Variants in ENOX1 observed in about 807,000 individuals in gnomAD.
ENOX1 encodes candidate growth-related and time keeping constitutive hydroquinone (NADH) oxidase.
A neutral mutation model predicts 82.5 loss-of-function variants in ENOX1; 42 were observed. The ratio of observed to expected loss-of-function variants is 0.51; its 90% CI spans 0.40 to 0.66. The LOEUF is 0.66. Ranked by LOEUF, ENOX1 falls within the 30% of genes least tolerant of loss-of-function variation. The pLI is 0.00. For synonymous variants in ENOX1, 271 were observed against 282.2 expected (o/e 0.96, Z 0.40); for missense variants, 608 against 811.6 (o/e 0.75, Z 3.05).
At chr13:43,376,284 T>A (rs190470287) in intron 5 of ENOX1, among the ~76,000 whole-genome samples, 105 of 152,330 alleles carry the variant, frequency 6.9e-4, no homozygotes, top group Non-Finnish European at 4.7e-4. Flanking sequence ...AAAGCTTTTG[T>A]TAAACAGAGC....
chr13:43,486,421 C>A (rs1165555602), intron 2 of ENOX1, among the ~76,000 whole-genome samples: 1 of 151,938 alleles, frequency 6.6e-6, no homozygotes, highest in Non-Finnish European at 1.5e-5. Flanking sequence ...ACAAAAAAAC[C>A]AACAACCAAA....
chr13:43,509,163 T>C (rs955633224), intron 2 of ENOX1, among the ~76,000 whole-genome samples: 2 of 152,052 alleles, frequency 1.3e-5, no homozygotes, highest in African/African-American at 4.8e-5. Context: ...AAATAGCCTA[T>C]ATCAGGGATA....
intron 16 of ENOX1, among the ~76,000 whole-genome samples, chr13:43,222,171 T>C (rs539993871): frequency 1.3e-5 from 2 of 152,120 alleles, no homozygotes; most frequent in South Asian, 4.2e-4. Context: ...TTTGACTGAA[T>C]CCCATCCAGA....
At chr13:43,725,819 A>G (rs1430443784) in intron 1 of ENOX1, among the ~76,000 whole-genome samples, 1 of 150,572 alleles carries the variant, frequency 6.6e-6, no homozygotes, top group Non-Finnish European at 1.5e-5. Context: ...AAAAAAAAAG[A>G]AGCTAGGCAT....
At position 43,470,341 on chromosome 13, in the gene ENOX1, C is replaced by CGTATATATAT. The variant is rs1566306766; in HGVS notation, c.-75+13658_-75+13667dup. Among the ~76,000 whole-genome samples the CGTATATATAT allele has an allele frequency of 4.2e-3, 34 of 8,060 alleles. 1 individual carries two copies. The highest frequency in any genetic ancestry group is 0.012 in the Non-Finnish European group (25 of 2,130). 5.3% of individuals were successfully genotyped at this position (8,060 alleles called of 152,430 possible). On this transcript the variant is annotated intron_variant, in intron 3 of 16. Coordinates refer to ENST00000690772, the MANE Select transcript of ENOX1 (RefSeq NM_001347969.2). The stretch of plus-strand genomic sequence containing the variant: ...ACACATATATATATGTATATATATA[C>CGTATATATAT]GTATATATATATGTATATATATACG...
At chr13:43,432,986 C>T (rs140339426) in intron 3 of ENOX1, among the ~76,000 whole-genome samples, 53 of 152,058 alleles carry the variant, frequency 3.5e-4, no homozygotes, top group African/African-American at 1.1e-3. Context: ...TCAATTGTAA[C>T]AACTCTGAGG....
chr13:43,541,501 A>T (rs974088888), intron 2 of ENOX1, among the ~76,000 whole-genome samples: 1 of 152,116 alleles, frequency 6.6e-6, no homozygotes, highest in African/African-American at 2.4e-5. Flanking sequence ...AGCTGTTTCT[A>T]AAAAATAAGA....
intron 3 of ENOX1, chr13:43,458,323 T>C (rs937498633): frequency 6.6e-6 from 1 of 152,164 alleles, no homozygotes; most frequent in South Asian, 2.1e-4. Flanking sequence ...ACAATGCATA[T>C]AAAGCACCTG....
intron 1 of ENOX1, among the ~76,000 whole-genome samples, chr13:43,737,145 C>A (rs550980219): frequency 2.6e-5 from 4 of 152,278 alleles, no homozygotes; most frequent in South Asian, 2.1e-4. Flanking sequence ...TCAAGTATAA[C>A]CTCTAAAAAA....
chr13:43,785,964 C>T (rs117848998), intron 1 of ENOX1, among the ~76,000 whole-genome samples: 2,304 of 152,028 alleles, frequency 0.015, 67 homozygotes, highest in East Asian at 0.1. Context: ...GCGGGCTCTG[C>T]ACCCTGGCAG....
At chr13:43,568,885 A>G (rs1188362637) in intron 2 of ENOX1, among the ~76,000 whole-genome samples, 2 of 152,134 alleles carry the variant, frequency 1.3e-5, no homozygotes, top group South Asian at 4.2e-4. Flanking sequence ...GTCTGATTTG[A>G]GCAGAATTCT....
At chr13:43,338,834 C>T (rs918581465) in intron 9 of ENOX1, among the ~76,000 whole-genome samples, 7 of 151,872 alleles carry the variant, frequency 4.6e-5, no homozygotes, top group Non-Finnish European at 7.4e-5. Context: ...TACAGGCGCC[C>T]GCCACTGCCC....
At chr13:43,584,820 A>G (rs767273894) in intron 2 of ENOX1, among the ~76,000 whole-genome samples, 1 of 152,128 alleles carries the variant, frequency 6.6e-6, no homozygotes, top group Non-Finnish European at 1.5e-5. Context: ...ATCCATCCAC[A>G]GCTTTAAGAC....
chr13:43,405,347 G>C (rs186405386), intron 5 of ENOX1, among the ~76,000 whole-genome samples: 2 of 152,122 alleles, frequency 1.3e-5, no homozygotes, highest in Non-Finnish European at 2.9e-5. Context: ...GCGTCTGGGC[G>C]TTACGGTCCC....
chr13:43,370,170 A>T (rs1360646599), intron 5 of ENOX1, among the ~76,000 whole-genome samples: 1 of 152,162 alleles, frequency 6.6e-6, no homozygotes. Context: ...GATCGAGACC[A>T]ACCTGGCTAA....
chr13:43,326,207 C>G (rs1476558552), intron 10 of ENOX1, among the ~76,000 whole-genome samples: 1 of 152,128 alleles, frequency 6.6e-6, no homozygotes, highest in Non-Finnish European at 1.5e-5. Context: ...TCTCCCATTG[C>G]AGGGGAGAAA....
chr13:43,629,926 T>C (rs1174895562), intron 2 of ENOX1, among the ~76,000 whole-genome samples: 2 of 152,200 alleles, frequency 1.3e-5, no homozygotes, highest in African/African-American at 2.4e-5. Context: ...AGGTGATTAG[T>C]GGAGCTTTTC....
chr13:43,721,450 C>G lies in ENOX1; in HGVS notation c.-284-53906G>C, dbSNP rs1246579846. 1.3e-3 allele frequency among the ~76,000 whole-genome samples: 173 copies of G among 132,344 alleles called. 2 individuals are homozygous for G. Among genetic ancestry groups the G allele is most frequent in the Non-Finnish European group, 1.7e-3 (111 of 64,654 alleles). The allele number at this position is 132,344 out of a possible 152,430, so 86.8% of individuals were successfully genotyped here. ...CTGGAGTGCAGTGGCGGGATCTCGG[C>G]TCACTGCAAGCTCCGCCTCCCGGGT... On this transcript the variant is annotated intron_variant, in intron 1 of 16. Coordinates refer to ENST00000690772, the MANE Select transcript of ENOX1 (RefSeq NM_001347969.2).
At chr13:43,604,957 A>C (rs2081911733) in intron 2 of ENOX1, among the ~76,000 whole-genome samples, 1 of 152,180 alleles carries the variant, frequency 6.6e-6, no homozygotes, top group Non-Finnish European at 1.5e-5. Context: ...TAGTGTTTCT[A>C]TATGCCAACA....
Sources: gnomAD v4.1 joint callset for allele counts (sites outside exome capture counted in the v4.1 genomes callset) on GRCh38, gnomAD v4.1.1 for gene constraint, MANE v1.5 for transcripts, NCBI Gene and HGNC (gene_info 2026-07-23, HGNC 2026-07-21) for gene names.